The following CTTNBP2NL variants were observed in gnomAD, a reference collection of about 807,000 sequenced individuals.
CTTNBP2NL encodes CTTNBP2 N-terminal-like protein.
A neutral mutation model predicts 32.5 loss-of-function variants in CTTNBP2NL; 16 were observed. The observed-to-expected ratio is 0.49, with a 90% CI of 0.33 to 0.75. The LOEUF (loss-of-function observed/expected upper bound fraction) is 0.75. CTTNBP2NL is among the 30% of genes least tolerant of loss of function. CTTNBP2NL has a pLI of 0.02. For missense variants in CTTNBP2NL, 645 were observed against 756.0 expected, an observed-to-expected ratio of 0.85 and a Z score of 1.72; for synonymous variants, 298 against 289.4, an observed-to-expected ratio of 1.03 and a Z score of -0.30.
At chr1:112,418,688 G>A (rs888337007) in intron 3 of CTTNBP2NL, among the ~76,000 whole-genome samples, 3 of 152,056 alleles carry the variant, frequency 2.0e-5, no homozygotes, top group Admixed American at 6.6e-5. Context: ...GAACTGTCTG[G>A]GGGAAGCAGA....
At chr1:112,450,357 G>C (rs1403404188) in intron 4 of CTTNBP2NL, among the ~76,000 whole-genome samples, 1 of 152,130 alleles carries the variant, frequency 6.6e-6, no homozygotes, top group Non-Finnish European at 1.5e-5. Context: ...TTTTTCCATA[G>C]CTTTAATCAG....
At chr1:112,425,683 G>A (rs1570728503) in intron 3 of CTTNBP2NL, among the ~76,000 whole-genome samples, 1 of 151,310 alleles carries the variant, frequency 6.6e-6, no homozygotes, top group Non-Finnish European at 1.5e-5. Flanking sequence ...GGGCAACATG[G>A]TGAAACCCCT....
At chr1:112,428,360 A>AT (rs1318881938) in intron 3 of CTTNBP2NL, among the ~76,000 whole-genome samples, 1 of 152,170 alleles carries the variant, frequency 6.6e-6, no homozygotes, top group Non-Finnish European at 1.5e-5. Context: ...TTAGCCTTCT[A>AT]TTATTCACTT....
intron 1 of CTTNBP2NL, among the ~76,000 whole-genome samples, chr1:112,401,367 G>A (rs1648493029): frequency 6.6e-6 from 1 of 151,890 alleles, no homozygotes. Context: ...TGAGTTTTTT[G>A]GTCCAAGGAA....
chr1:112,392,854 TTTTG>T (rs763640054), upstream of CTTNBP2NL, among the ~76,000 whole-genome samples: 8 of 151,924 alleles, frequency 5.3e-5, no homozygotes, highest in Non-Finnish European at 1.2e-4. Context: ...CCTGATTTTT[TTTTG>T]TTTGTTTGTT....
chr1:112,433,082 A>G (rs1027705440), intron 3 of CTTNBP2NL, among the ~76,000 whole-genome samples: 1 of 151,842 alleles, frequency 6.6e-6, no homozygotes, highest in Non-Finnish European at 1.5e-5. Flanking sequence ...CTTAAATCTG[A>G]TATCTTCTGT....
At chr1:112,392,880 G>T (rs572980261), upstream of CTTNBP2NL, among the ~76,000 whole-genome samples, 2 of 152,044 alleles carry the variant, frequency 1.3e-5, no homozygotes, top group African/African-American at 4.8e-5. Flanking sequence ...TTTTGAGACA[G>T]AGTTTCGCTC....
At chr1:112,420,148 C>CTTT (rs34995369) in intron 3 of CTTNBP2NL, among the ~76,000 whole-genome samples, 2 of 134,274 alleles carry the variant, frequency 1.5e-5, no homozygotes, top group African/African-American at 2.7e-5. Flanking sequence ...GTTGGAGTGG[C>CTTT]TTTTTTTTTT....
intron 1 of CTTNBP2NL, among the ~76,000 whole-genome samples, chr1:112,409,083 G>C (rs2100996298): frequency 6.8e-6 from 1 of 147,552 alleles, no homozygotes; most frequent in East Asian, 2.0e-4. Flanking sequence ...AGCCAAGGTT[G>C]TGCCAGTGCA....
At chr1:112,413,506 CAG>C (rs1648949060) in intron 2 of CTTNBP2NL, among the ~76,000 whole-genome samples, 1 of 152,138 alleles carries the variant, frequency 6.6e-6, no homozygotes, top group African/African-American at 2.4e-5. Context: ...CCCCCTTTCA[CAG>C]ATTAGAAAAC....
chr1:112,421,616 CA>C (rs34720155), intron 3 of CTTNBP2NL, among the ~76,000 whole-genome samples: 8,212 of 70,862 alleles, frequency 0.12, 679 homozygotes, highest in African/African-American at 0.28. Context: ...CCCATTTCTA[CA>C]AAAAAAAAAA....
Position 112,460,662 on chromosome 1 carries a change from A to G in CTTNBP2NL, c.*3250A>G, listed in dbSNP as rs1650523764. 6.6e-6 allele frequency: 1 copy of G among 152,236 alleles called. No homozygotes were observed. Among genetic ancestry groups the G allele is most frequent in the Admixed American group, 6.5e-5 (1 of 15,284 alleles). The allele number at this position is 152,236 out of a possible 1,614,324, so 9.4% of individuals were successfully genotyped here. A position where few individuals can be genotyped will look rare whatever the true frequency, so the allele number is the denominator to read the frequency against. Reference sequence around the variant, plus strand: ...TGCTCTCTCATTTTACAAATGATTAATGCATCCCTTTTCAACTACTCCAGC... The same window carrying G: ...TGCTCTCTCATTTTACAAATGATTAGTGCATCCCTTTTCAACTACTCCAGC... On this transcript the variant is annotated 3_prime_UTR_variant, in exon 6 of 6. Transcript: ENST00000271277.
intron 3 of CTTNBP2NL, among the ~76,000 whole-genome samples, chr1:112,443,291 G>C (rs1233194354): frequency 6.6e-6 from 1 of 152,096 alleles, no homozygotes; most frequent in Non-Finnish European, 1.5e-5. Flanking sequence ...TTGGCTCACT[G>C]CAACCTTTCC....
At chr1:112,454,318 G>A (rs549829761) in intron 4 of CTTNBP2NL, 131 bp from the exon 5 acceptor site, 69 of 658,042 alleles carry the variant, frequency 1.0e-4, no homozygotes, top group African/African-American at 1.0e-3. Context: ...CCCTTGCTGG[G>A]TTTCATTTAT....
Position 112,419,397 on chromosome 1 carries a change from A to C in CTTNBP2NL, c.99+3133A>C, listed in dbSNP as rs375390951. On this transcript the variant is annotated intron_variant, in intron 3 of 5. Coordinates refer to ENST00000271277, the MANE Select transcript of CTTNBP2NL (RefSeq NM_018704.3). ...CACTGAAAATATTATTGAAAAAATA[A>C]TCATAAGGATCTAATGACAGTGCCA... Among the ~76,000 whole-genome samples the C allele has an allele frequency of 1.1e-4, 16 of 152,328 alleles. 1 individual carries two copies. In the South Asian group the frequency reaches 1.5e-3, roughly 14 times the overall value.
intron 1 of CTTNBP2NL, among the ~76,000 whole-genome samples, chr1:112,401,546 C>T (rs1648502443): frequency 6.6e-6 from 1 of 152,108 alleles, no homozygotes; most frequent in Admixed American, 6.6e-5. Flanking sequence ...ATTTAAGGGA[C>T]TTTTAATGGT....
chr1:112,423,444 A>C (rs773276617), intron 3 of CTTNBP2NL, among the ~76,000 whole-genome samples: 28 of 152,174 alleles, frequency 1.8e-4, no homozygotes, highest in South Asian at 4.1e-4. Context: ...CAGTGTATAC[A>C]TATTTCAAAA....
intron 3 of CTTNBP2NL, among the ~76,000 whole-genome samples, chr1:112,442,269 T>G (rs1327452044): frequency 6.6e-6 from 1 of 152,092 alleles, no homozygotes; most frequent in Non-Finnish European, 1.5e-5. Context: ...ACTACAGGCA[T>G]GTGCCGCCAT....
chr1:112,426,605 CTTTTT>C (rs35801433), intron 3 of CTTNBP2NL, among the ~76,000 whole-genome samples: 2 of 129,588 alleles, frequency 1.5e-5, no homozygotes, highest in African/African-American at 2.8e-5. Flanking sequence ...TACGGCAAAA[CTTTTT>C]TTTTTTTTTT....
Sources: allele counts gnomAD v4.1 joint callset (sites outside exome capture counted in the v4.1 genomes callset), GRCh38; gene constraint gnomAD v4.1.1; transcripts MANE v1.5; gene names NCBI Gene and HGNC (gene_info 2026-07-23, HGNC 2026-07-21).